Variants in CSGALNACT1 observed in about 807,000 individuals in gnomAD.
The protein encoded by CSGALNACT1 is chondroitin sulfate N-acetylgalactosaminyltransferase 1.
Under a neutral mutation model 51.0 loss-of-function variants are expected in CSGALNACT1, and 52 were observed. The observed-to-expected ratio is 1.02, with a 90% CI of 0.82 to 1.29. CSGALNACT1 has a LOEUF of 1.29. CSGALNACT1 is among the 50% of genes most tolerant of loss of function. CSGALNACT1 has a pLI of 0.00. For synonymous variants in CSGALNACT1, 341 were observed against 254.4 expected (o/e 1.34, Z -3.24); for missense variants, 935 against 679.2 (o/e 1.38, Z -4.19).
intron 1 of CSGALNACT1, among the ~76,000 whole-genome samples, chr8:19,667,524 G>A (rs192848965): frequency 7.1e-6 from 1 of 141,656 alleles, no homozygotes; most frequent in Admixed American, 7.2e-5. Context: ...AACGGTAAGA[G>A]AACAATGAAC....
At chr8:19,654,217 T>C (rs1208387748) in intron 1 of CSGALNACT1, among the ~76,000 whole-genome samples, 1 of 152,188 alleles carries the variant, frequency 6.6e-6, no homozygotes, top group Non-Finnish European at 1.5e-5. Context: ...TTTCTCCAAA[T>C]TCAAAATAAA....
intron 3 of CSGALNACT1, among the ~76,000 whole-genome samples, chr8:19,555,471 C>T (rs536007412): frequency 3.3e-5 from 5 of 152,082 alleles, no homozygotes; most frequent in Non-Finnish European, 7.4e-5. Flanking sequence ...CCAAACTTTT[C>T]GAGATTTCAC....
chr8:19,422,136 T>C (rs1294423466), intron 6 of CSGALNACT1, among the ~76,000 whole-genome samples: 2 of 152,160 alleles, frequency 1.3e-5, no homozygotes, highest in African/African-American at 4.8e-5. Context: ...GACGCTATTT[T>C]TCTTTGGTTA....
intron 3 of CSGALNACT1, among the ~76,000 whole-genome samples, chr8:19,537,520 A>G (rs1285438614): frequency 6.6e-6 from 1 of 152,168 alleles, no homozygotes; most frequent in African/African-American, 2.4e-5. Flanking sequence ...CACTCAGCAT[A>G]AATTCCTGTT....
At chr8:19,493,638 A>G (rs1001424803) in intron 4 of CSGALNACT1, among the ~76,000 whole-genome samples, 3 of 152,138 alleles carry the variant, frequency 2.0e-5, no homozygotes, top group Admixed American at 2.0e-4. Flanking sequence ...TAATTTTCTC[A>G]AGGACCATTT....
At chr8:19,415,225 C>T (rs893258282) in intron 8 of CSGALNACT1, among the ~76,000 whole-genome samples, 5 of 152,172 alleles carry the variant, frequency 3.3e-5, no homozygotes, top group South Asian at 4.1e-4. Flanking sequence ...GTAATGAAAG[C>T]GTTTCATTTC....
intron 3 of CSGALNACT1, among the ~76,000 whole-genome samples, chr8:19,547,445 TGG>T (rs2086732925): frequency 4.2e-3 from 2 of 472 alleles, no homozygotes; most frequent in Non-Finnish European, 9.7e-3. Flanking sequence ...ATCATGGGGG[TGG>T]TTTCCCCATA....
chr8:19,572,913 C>T (rs984381160), intron 3 of CSGALNACT1, among the ~76,000 whole-genome samples: 3 of 152,150 alleles, frequency 2.0e-5, no homozygotes, highest in African/African-American at 4.8e-5. Context: ...CAGAAAATTG[C>T]TGCAGTCCCA....
chr8:19,659,447 A>G (rs2058577371), intron 1 of CSGALNACT1, among the ~76,000 whole-genome samples: 2 of 152,170 alleles, frequency 1.3e-5, no homozygotes, highest in Non-Finnish European at 2.9e-5. Context: ...ACTCTTCTCC[A>G]AAGGCTTTTG....
chr8:19,498,733 T>G (rs2075908821), intron 4 of CSGALNACT1, among the ~76,000 whole-genome samples: 1 of 152,228 alleles, frequency 6.6e-6, no homozygotes, highest in Non-Finnish European at 1.5e-5. Flanking sequence ...CCTTCATCTT[T>G]GACCTCCCAT....
At position 19,693,574 on chromosome 8, in the gene CSGALNACT1, G is replaced by A. The variant is rs948685496; in HGVS notation, c.-297+64276C>T. Among the ~76,000 whole-genome samples, 479 of 152,124 alleles carry A rather than the reference G, an allele frequency of 3.1e-3. 2 individuals are homozygous for A. The highest frequency in any genetic ancestry group is 0.011 in the African/African-American group (441 of 41,492). ...CAATCTTGATCACGCCTTACCTGCT[G>A]CCCACCCAACTGACTCAGCTCCCTA... is the stretch of plus-strand genomic sequence containing the variant. On this transcript the variant is annotated intron_variant, in intron 1 of 1. Transcript: ENST00000517494.
chr8:19,493,479 C>G (rs918095282), intron 4 of CSGALNACT1, among the ~76,000 whole-genome samples: 3 of 152,180 alleles, frequency 2.0e-5, no homozygotes, highest in Admixed American at 2.0e-4. Context: ...TTCACAGTCA[C>G]TCCCCATCTC....
chr8:19,642,129 C>A (rs970749851), intron 1 of CSGALNACT1: 1 of 152,166 alleles, frequency 6.6e-6, no homozygotes, highest in African/African-American at 2.4e-5. Flanking sequence ...CTGCCTGAAT[C>A]ATTTTGTTAG....
chr8:19,556,384 G>C (rs77852833), intron 3 of CSGALNACT1, among the ~76,000 whole-genome samples: 1 of 119,708 alleles, frequency 8.4e-6, no homozygotes, highest in Non-Finnish European at 2.0e-5. Context: ...TCTCTCAAAA[G>C]AAAAAAAAAA....
At chr8:19,598,161 C>T (rs1445526882) in intron 2 of CSGALNACT1, among the ~76,000 whole-genome samples, 5 of 152,114 alleles carry the variant, frequency 3.3e-5, no homozygotes, top group Non-Finnish European at 7.4e-5. Flanking sequence ...AAAGGGAATC[C>T]CAATAGCAGA....
intron 1 of CSGALNACT1, among the ~76,000 whole-genome samples, chr8:19,697,114 A>G (rs1014309678): frequency 2.6e-5 from 4 of 152,152 alleles, no homozygotes; most frequent in African/African-American, 9.7e-5. Flanking sequence ...GAGCATTGTC[A>G]GATCTAGCAG....
upstream of CSGALNACT1, among the ~76,000 whole-genome samples, chr8:19,605,389 C>T (rs576056936): frequency 2.0e-5 from 3 of 152,098 alleles, no homozygotes; most frequent in Non-Finnish European, 4.4e-5. Flanking sequence ...TGAGCTGAGA[C>T]GGTGCCACTG....
intron 1 of CSGALNACT1, among the ~76,000 whole-genome samples, chr8:19,637,407 A>G (rs1321901011): frequency 6.6e-6 from 1 of 152,104 alleles, no homozygotes; most frequent in Non-Finnish European, 1.5e-5. Context: ...TTTTTATTTT[A>G]CTGTTTCTCT....
At chr8:19,424,218 G>T (rs2058423594) in intron 6 of CSGALNACT1, among the ~76,000 whole-genome samples, 1 of 152,164 alleles carries the variant, frequency 6.6e-6, no homozygotes, top group African/African-American at 2.4e-5. Flanking sequence ...GGCTTGGGAA[G>T]CACCATCAGG....
Sources: gnomAD v4.1 joint callset for allele counts (sites outside exome capture counted in the v4.1 genomes callset) on GRCh38, gnomAD v4.1.1 for gene constraint, MANE v1.5 for transcripts, NCBI Gene and HGNC (gene_info 2026-07-23, HGNC 2026-07-21) for gene names.